BCL11A: variants seen among roughly 807,000 people sequenced by gnomAD.
The protein encoded by BCL11A is B cell CLL/lymphoma 11A.
Under a neutral mutation model 55.9 loss-of-function variants are expected in BCL11A, and 2 were observed. The ratio of observed to expected loss-of-function variants is 0.04; its 90% CI spans 0.01 to 0.11. The LOEUF (loss-of-function observed/expected upper bound fraction) is 0.11, where lower values mean the gene tolerates loss of function less well. BCL11A is among the 10% of genes least tolerant of loss of function. The pLI is 1.00. For missense variants in BCL11A, 817 were observed against 1,137.1 expected, an observed-to-expected ratio of 0.72 and a Z score of 4.05; for synonymous variants, 465 against 473.4, an observed-to-expected ratio of 0.98 and a Z score of 0.23.
chr2:60,458,125 G>C lies in BCL11A; in HGVS notation c.*2279C>G. 3 of 1,028,402 alleles carry C rather than the reference G, an allele frequency of 2.9e-6. No homozygotes were observed. Among genetic ancestry groups the C allele is most frequent in the Non-Finnish European group, 3.5e-6 (3 of 855,268 alleles). 63.7% of individuals were successfully genotyped at this position (1,028,402 alleles called of 1,614,324 possible). A position where few individuals can be genotyped will look rare whatever the true frequency, so the allele number is the denominator to read the frequency against. On this transcript the variant is annotated 3_prime_UTR_variant, in exon 4 of 4. Coordinates refer to ENST00000642384, the MANE Select transcript of BCL11A (RefSeq NM_022893.4). ...TACAAGCTTCAATATAAATACTATA[G>C]TGCCTAACACTAGATGAACATTTAA...
chr2:60,477,949 T>C (rs527477928), intron 2 of BCL11A, among the ~76,000 whole-genome samples: 1 of 151,692 alleles, frequency 6.6e-6, no homozygotes, highest in South Asian at 2.1e-4. Flanking sequence ...TCCTGGCCTT[T>C]ATGGAAAGCT....
chr2:60,467,138 TTGGTGGTGATGG>T (rs1676689722), intron 3 of BCL11A, among the ~76,000 whole-genome samples: 1 of 61,754 alleles, frequency 1.6e-5, no homozygotes, highest in East Asian at 5.1e-4. Flanking sequence ...GATGGTGGTG[TTGGTGGTGATGG>T]TGGTGGTGGT....
intron 2 of BCL11A, chr2:60,538,310 A>G (rs1267076028): frequency 6.6e-6 from 1 of 152,272 alleles, no homozygotes; most frequent in African/African-American, 2.4e-5. Context: ...TCAATCGTGC[A>G]CTGCGCGTTG....
chr2:60,553,130 C>T, intron 1 of BCL11A, 86 bp downstream of exon 1: 2 of 1,374,486 alleles, frequency 1.5e-6, no homozygotes, highest in Non-Finnish European at 2.0e-6. Context: ...CATGCACACA[C>T]CCCTCTCTCC....
chr2:60,518,451 A>C (rs1668831686), intron 2 of BCL11A, among the ~76,000 whole-genome samples: 1 of 152,250 alleles, frequency 6.6e-6, no homozygotes, highest in Non-Finnish European at 1.5e-5. Context: ...TATGCCTGTA[A>C]GATGACATTC....
intron 2 of BCL11A, among the ~76,000 whole-genome samples, chr2:60,507,839 A>G (rs1374975157): frequency 6.6e-6 from 1 of 152,240 alleles, no homozygotes; most frequent in Non-Finnish European, 1.5e-5. Flanking sequence ...ACGTCTTCAC[A>G]GTAATCCAAT....
At chr2:60,499,473 G>T (rs1433966606) in intron 2 of BCL11A, among the ~76,000 whole-genome samples, 3 of 152,162 alleles carry the variant, frequency 2.0e-5, no homozygotes, top group Non-Finnish European at 1.5e-5. Context: ...AGAGCCTGAG[G>T]CCCAATAGGC....
rs141408891 is a variant in BCL11A at position 60,483,068 on chromosome 2, G to A, written c.386-14235C>T. 9.0e-4 allele frequency among the ~76,000 whole-genome samples: 137 copies of A among 152,322 alleles called. 1 individual carries two copies. The highest frequency in any genetic ancestry group is 2.8e-3 in the African/African-American group (118 of 41,578). ...GCACTTCAGCCCATGATTACTTTGC[G>A]AGATGTTTGAGAAGAATCAGGCAGT... On this transcript the variant is annotated intron_variant, in intron 2 of 3. Coordinates refer to ENST00000642384, the MANE Select transcript of BCL11A (RefSeq NM_022893.4).
chr2:60,546,584 C>T lies in BCL11A; in HGVS notation c.56-284G>A, dbSNP rs970666372. 6.6e-6 allele frequency among the ~76,000 whole-genome samples: 1 copy of T among 152,070 alleles called. No individual in the cohort carries two copies. The highest frequency in any genetic ancestry group is 6.5e-5 in the Admixed American group (1 of 15,274). ...ACACACACATATACCCATGCACACA[C>T]CCACAGCAACAAATGTGTCTGGTTT... On this transcript the variant is annotated intron_variant, in intron 1 of 3. Coordinates refer to ENST00000642384, the MANE Select transcript of BCL11A (RefSeq NM_022893.4). This position sits in a 1 kb window ranked among gnomAD's most constrained non-coding sequence, Gnocchi z 4.1.
chr2:60,479,845 T>C (rs45614537), intron 2 of BCL11A, among the ~76,000 whole-genome samples: 2,551 of 152,322 alleles, frequency 0.017, 23 homozygotes, highest in Non-Finnish European at 0.027. Flanking sequence ...GTTCTTTTGA[T>C]TTTATTTTAT....
At position 60,459,957 on chromosome 2, in the gene BCL11A, T is replaced by C; in HGVS notation, c.*447A>G. The C allele has an allele frequency of 9.4e-7, 1 of 1,064,342 alleles. No homozygotes were observed. The highest frequency in any genetic ancestry group is 1.1e-6 in the Non-Finnish European group (1 of 878,852). The allele number at this position is 1,064,342 out of a possible 1,614,324, so 65.9% of individuals were successfully genotyped here. A position where few individuals can be genotyped will look rare whatever the true frequency, so the allele number is the denominator to read the frequency against. On this transcript the variant is annotated 3_prime_UTR_variant, in exon 4 of 4. Coordinates refer to ENST00000642384, the MANE Select transcript of BCL11A (RefSeq NM_022893.4). ...TTTTCTCTCTCTCTCTCTTTTTCTC[T>C]CAGAACGGAACTGGAAACAGCAACA...
chr2:60,485,070 AG>A (rs1176424564), intron 2 of BCL11A, among the ~76,000 whole-genome samples: 1 of 152,212 alleles, frequency 6.6e-6, no homozygotes, highest in East Asian at 1.9e-4. Flanking sequence ...ACCAAGGCAT[AG>A]CCTTGGAAGA....
intron 2 of BCL11A, among the ~76,000 whole-genome samples, chr2:60,530,084 C>T (rs548260420): frequency 6.6e-6 from 1 of 152,168 alleles, no homozygotes; most frequent in Admixed American, 6.5e-5. Flanking sequence ...TGCATAATGT[C>T]ACAATAAACT....
chr2:60,528,951 T>C (rs1466701400), intron 2 of BCL11A, among the ~76,000 whole-genome samples: 1 of 152,132 alleles, frequency 6.6e-6, no homozygotes, highest in Non-Finnish European at 1.5e-5. Flanking sequence ...AATGATTCCC[T>C]CAGACTCTCC....
chr2:60,467,264 G>A (rs1676745647), intron 3 of BCL11A, among the ~76,000 whole-genome samples: 3 of 106,148 alleles, frequency 2.8e-5, no homozygotes, highest in African/African-American at 1.2e-4. Context: ...GGTGGTGGTG[G>A]TGATGGTGGT....
chr2:60,501,630 C>T (rs963242265), intron 2 of BCL11A, among the ~76,000 whole-genome samples: 1 of 151,562 alleles, frequency 6.6e-6, no homozygotes, highest in Non-Finnish European at 1.5e-5. Context: ...CCTCAGCCTC[C>T]TGAGTAGCTG....
downstream of BCL11A, chr2:60,450,637 C>T (rs9309327): frequency 0.095 from 14,403 of 152,246 alleles, 1,311 homozygotes; most frequent in African/African-American, 0.23. Context: ...AACACATAGG[C>T]AGAGCATGGG....
At chr2:60,501,146 AT>A (rs946720228) in intron 2 of BCL11A, among the ~76,000 whole-genome samples, 4 of 152,234 alleles carry the variant, frequency 2.6e-5, no homozygotes, top group Admixed American at 1.3e-4. Context: ...GTTGGTAAAC[AT>A]CCAATTTTGC....
chr2:60,521,814 C>T (rs1317691397), intron 2 of BCL11A, among the ~76,000 whole-genome samples: 1 of 152,166 alleles, frequency 6.6e-6, no homozygotes, highest in Non-Finnish European at 1.5e-5. Context: ...TGACCCTCAC[C>T]ACGAGGCACA....
Sources: gnomAD v4.1 joint callset for allele counts (sites outside exome capture counted in the v4.1 genomes callset) on GRCh38, gnomAD v4.1.1 for gene constraint, Gnocchi (gnomAD v3.1) non-coding constraint, MANE v1.5 for transcripts, NCBI Gene and HGNC (gene_info 2026-07-23, HGNC 2026-07-21) for gene names.